Variants in FBN3 observed in about 807,000 individuals in gnomAD.
FBN3 encodes fibrillin 3, also known as fibrillin-3.
In FBN3, 234 loss-of-function variants were observed where a neutral mutation model predicts 330.1. The observed-to-expected ratio is 0.71, with a 90% CI of 0.64 to 0.79. The LOEUF (loss-of-function observed/expected upper bound fraction) is 0.79. Ranked by LOEUF, FBN3 falls within the 30% of genes least tolerant of loss-of-function variation. The probability of loss-of-function intolerance (pLI) is 0.00; values close to 1 mark genes in which losing one functional copy is unlikely to be tolerated. For missense variants in FBN3, 3,606 were observed against 3,886.9 expected (o/e 0.93, Z 1.92); for synonymous variants, 1,458 against 1,517.3 (o/e 0.96, Z 0.91).
chr19:8,135,935 T>TTGGGGGGGGGGGGGGGGGCGGGGG, intron 13 of FBN3, 26 bp downstream of exon 13: 1 of 1,344,156 alleles, frequency 7.4e-7, no homozygotes, highest in Non-Finnish European at 1.0e-6. Context: ...CGGAAGCCCC[T>TTGGGGGGGGGGGGGGGGGCGGGGG]GCCCACCCGC....
intron 10 of FBN3, among the ~76,000 whole-genome samples, chr19:8,137,129 A>T (rs1292638394): frequency 6.7e-6 from 1 of 148,624 alleles, no homozygotes; most frequent in Non-Finnish European, 1.5e-5. Flanking sequence ...TGGAACCCAG[A>T]TTCCTCCAAC....
At chr19:8,085,181 T>G (rs1406195370) in intron 56 of FBN3, among the ~76,000 whole-genome samples, 182 bp downstream of exon 56, 1 of 151,394 alleles carries the variant, frequency 6.6e-6, no homozygotes, top group Non-Finnish European at 1.5e-5. Context: ...TCCATGCATA[T>G]GGTGCACACG....
In FBN3 at chr19:8,075,281, A is replaced by G. The variant is rs770082761; in HGVS notation, c.7582+2T>C. 31 of 1,610,226 alleles carry G rather than the reference A, an allele frequency of 1.9e-5. No homozygotes were observed. The highest frequency in any genetic ancestry group is 2.5e-5 in the Non-Finnish European group (30 of 1,177,332). On this transcript the variant is annotated splice_donor_variant, in intron 60 of 63. Coordinates refer to ENST00000600128, the MANE Select transcript of FBN3 (RefSeq NM_032447.5). LOFTEE classifies it high-confidence loss of function. The stretch of plus-strand genomic sequence containing the variant: ...TAGACCCCAGCCAAAGCTGGGCTGT[A>G]CCTTCACAGCCATGGCCTGAGCTGA...
chr19:8,118,614 GAC>G (rs112174981), intron 26 of FBN3, among the ~76,000 whole-genome samples: 7 of 151,730 alleles, frequency 4.6e-5, no homozygotes, highest in East Asian at 1.9e-4. Context: ...CCCTTGTACA[GAC>G]ACACAGTCAC....
At chr19:8,147,208 T>A (rs909473189) in intron 2 of FBN3, 22 bp from the exon 3 acceptor site, 23 of 1,560,442 alleles carry the variant, frequency 1.5e-5, no homozygotes, top group Non-Finnish European at 1.9e-5. Flanking sequence ...GCGAGATGGG[T>A]CTGGTGAGCC....
chr19:8,138,383 C>T (rs542086006), intron 9 of FBN3, 29 bp downstream of exon 9: 3 of 1,609,056 alleles, frequency 1.9e-6, no homozygotes, highest in African/African-American at 2.7e-5. Flanking sequence ...TCCTCACCCA[C>T]AGCCCTGCAG....
rs530016049 is a variant in FBN3 at position 8,109,770 on chromosome 19, C to T, written c.4334-17G>A. On this transcript the variant is annotated splice_polypyrimidine_tract_variant and intron_variant, in intron 34 of 63. Transcript: ENST00000600128. This position sits in a 1 kb window ranked among gnomAD's most constrained non-coding sequence, Gnocchi z 5.2. ...CGTTGATGTCTGTAGGGAGGAAGCG[C>T]GGTCCTCAGCAGGGAGCCCCTTCCT... The T allele has an allele frequency of 6.2e-6, 9 of 1,449,798 alleles. No individual in the cohort carries two copies. Among genetic ancestry groups the T allele is most frequent in the East Asian group, 2.6e-5 (1 of 39,042 alleles). 89.8% of individuals were successfully genotyped at this position (1,449,798 alleles called of 1,614,324 possible). A position where few individuals can be genotyped will look rare whatever the true frequency, so the allele number is the denominator to read the frequency against.
chr19:8,117,647 A>C, intron 26 of FBN3, 58 bp from the exon 27 acceptor site: 1 of 1,483,496 alleles, frequency 6.7e-7, no homozygotes, highest in Non-Finnish European at 9.0e-7. Flanking sequence ...CTGTGTGACC[A>C]TGAGACACAC....
At chr19:8,132,049 C>T (rs1395946583) in intron 14 of FBN3, among the ~76,000 whole-genome samples, 1 of 152,048 alleles carries the variant, frequency 6.6e-6, no homozygotes, top group Non-Finnish European at 1.5e-5. Context: ...TCTTTCTCTC[C>T]ACCTTTAAAC....
chr19:8,120,752 C>A (rs868851134), intron 25 of FBN3, among the ~76,000 whole-genome samples: 1 of 152,334 alleles, frequency 6.6e-6, no homozygotes, highest in South Asian at 2.1e-4. Flanking sequence ...GCTGGGATTA[C>A]AGGCGAGGGC....
chr19:8,126,082 C>G (rs2082974872), intron 21 of FBN3, 65 bp from the exon 22 acceptor site: 2 of 1,606,662 alleles, frequency 1.2e-6, no homozygotes, highest in Non-Finnish European at 8.5e-7. Context: ...GGCCATTCCC[C>G]TGGGGTCTCA....
At chr19:8,124,115 T>A (rs4804269) in intron 22 of FBN3, 107 bp from the exon 23 acceptor site, 296,198 of 955,014 alleles carry the variant, frequency 0.31, 48,284 homozygotes, top group South Asian at 0.42. Flanking sequence ...CCGGACGTAG[T>A]CAGGTCGAGG....
chr19:8,124,375 C>G (rs1367955908), intron 22 of FBN3, among the ~76,000 whole-genome samples: 2 of 151,828 alleles, frequency 1.3e-5, no homozygotes, highest in Non-Finnish European at 2.9e-5. Context: ...TCCCGAGGAG[C>G]TGGGATTACA....
At chr19:8,120,447 G>C (rs1193202204) in intron 25 of FBN3, among the ~76,000 whole-genome samples, 1 of 151,182 alleles carries the variant, frequency 6.6e-6, no homozygotes, top group Non-Finnish European at 1.5e-5. Flanking sequence ...TGGGATTACA[G>C]GCATGAGCCA....
rs1204242592 is a variant in FBN3 at position 8,095,429 on chromosome 19, G to A, written c.5731C>T (p.His1911Tyr). The part of the protein sequence containing the change: ...GHCLNTAGSF[H>Y]CLCQDGFELT... Reference sequence around the variant, plus strand: ...TCAAAGCCATCCTGGCAGAGGCAGTGGAAGGAACCAGCTGTGTTGAGGCAA... The same window carrying A: ...TCAAAGCCATCCTGGCAGAGGCAGTAGAAGGAACCAGCTGTGTTGAGGCAA... Residue 1911 changes from histidine to tyrosine, a missense_variant, in exon 46 of 64, where the codon CAC becomes TAC. Physicochemically the swap from His to Tyr is moderately conservative, Grantham distance 83. Coordinates refer to ENST00000600128, the MANE Select transcript of FBN3 (RefSeq NM_032447.5). 2 of 1,613,652 alleles carry A rather than the reference G, an allele frequency of 1.2e-6. No homozygotes were observed. Among genetic ancestry groups the A allele is most frequent in the South Asian group, 2.2e-5 (2 of 91,058 alleles).
Position 8,087,137 on chromosome 19 carries a change from A to G in FBN3, c.6694T>C (p.Phe2232Leu), listed in dbSNP as rs775509445. 3 of 1,610,888 alleles carry G rather than the reference A, an allele frequency of 1.9e-6. No individual in the cohort carries two copies. Among genetic ancestry groups the G allele is most frequent in the Non-Finnish European group, 2.5e-6 (3 of 1,179,522 alleles). Residue 2232 changes from phenylalanine to leucine, a missense_variant, in exon 54 of 64, where the codon TTC becomes CTC. Phe to Leu is a conservative substitution (Grantham distance 22, BLOSUM62 0). Transcript: ENST00000600128. ...ATGCCTGGGGGACAGACGCACGCGA[A>G]GGTACCGATGAGGTTCTTGCACTCC... ...GMECKNLIGTFACVCPPGMRP... is the reference protein window; with the variant it reads ...GMECKNLIGTLACVCPPGMRP...
At chr19:8,085,634 C>G (rs1029219985) in intron 55 of FBN3, 65 bp from the exon 56 acceptor site, 1 of 1,322,604 alleles carries the variant, frequency 7.6e-7, no homozygotes, top group African/African-American at 1.5e-5. Context: ...AAAGACTGAG[C>G]TTGCTTTGGG....
In FBN3 at chr19:8,079,413, T is replaced by C. The variant is rs185273899; in HGVS notation, c.7453+1590A>G. On this transcript the variant is annotated intron_variant, in intron 59 of 63. Coordinates refer to ENST00000600128, the MANE Select transcript of FBN3 (RefSeq NM_032447.5). ...GCCTGGGTGATGGAGCAAGACTCCA[T>C]CTCTAAAACAAACAAACAAACAAAC... Among the ~76,000 whole-genome samples the C allele has an allele frequency of 1.0e-4, 13 of 126,094 alleles. No homozygotes were observed. In the East Asian group the frequency reaches 2.1e-3, roughly 20 times the overall value. The allele number at this position is 126,094 out of a possible 152,430, so 82.7% of individuals were successfully genotyped here.
Position 8,099,866 on chromosome 19 carries a change from C to T in FBN3, c.5161+1035G>A, listed in dbSNP as rs1440090844. On this transcript the variant is annotated intron_variant, in intron 41 of 63. Transcript: ENST00000600128. ...CCTCTATTAAAATACAAAAATTAGC[C>T]AGGCATGGTGGCAGGTGCCTATAAT... Among the ~76,000 whole-genome samples, 4 of 151,744 alleles carry T rather than the reference C, an allele frequency of 2.6e-5. No individual in the cohort carries two copies. The South Asian group carries it at 8.4e-4, about 32-fold the overall frequency.
Sources: allele counts gnomAD v4.1 joint callset (sites outside exome capture counted in the v4.1 genomes callset), GRCh38; gene constraint gnomAD v4.1.1; non-coding constraint Gnocchi (gnomAD v3.1); transcripts MANE v1.5; gene names NCBI Gene and HGNC (gene_info 2026-07-23, HGNC 2026-07-21).